The following FAM135A variants were observed in gnomAD, a reference collection of about 807,000 sequenced individuals.
FAM135A encodes protein FAM135A.
In FAM135A, 79 loss-of-function variants were observed where a neutral mutation model predicts 146.8. The ratio of observed to expected loss-of-function variants is 0.54; its 90% CI spans 0.45 to 0.65. FAM135A has a LOEUF of 0.65. Ranked by LOEUF, FAM135A falls within the 30% of genes least tolerant of loss-of-function variation. FAM135A has a pLI of 0.00. For missense variants in FAM135A, 1,623 were observed against 1,758.2 expected, an observed-to-expected ratio of 0.92 and a Z score of 1.38; for synonymous variants, 562 against 603.6, an observed-to-expected ratio of 0.93 and a Z score of 1.01.
intron 12 of FAM135A, among the ~76,000 whole-genome samples, chr6:70,505,742 CAGA>C (rs1466044049): frequency 3.3e-5 from 5 of 151,830 alleles, no homozygotes; most frequent in African/African-American, 1.2e-4. Context: ...ATTGTCTCAC[CAGA>C]AGTTTGTTAT....
intron 11 of FAM135A, among the ~76,000 whole-genome samples, chr6:70,500,534 G>A (rs968207285): frequency 6.6e-6 from 1 of 152,200 alleles, no homozygotes; most frequent in African/African-American, 2.4e-5. Context: ...CTGGAGAGGA[G>A]TTGCAATCAT....
chr6:70,447,621 G>A (rs1776066647), intron 4 of FAM135A, among the ~76,000 whole-genome samples: 1 of 152,212 alleles, frequency 6.6e-6, no homozygotes, highest in Non-Finnish European at 1.5e-5. Flanking sequence ...GGAATGGTCT[G>A]AGCTGGAAAT....
At chr6:70,462,344 T>G (rs1046510947) in intron 5 of FAM135A, among the ~76,000 whole-genome samples, 4 of 152,174 alleles carry the variant, frequency 2.6e-5, no homozygotes, top group African/African-American at 9.7e-5. Flanking sequence ...CTGGGCAGAT[T>G]ATCAGAACCT....
chr6:70,426,894 A>G (rs563255848), intron 3 of FAM135A: 1 of 152,340 alleles, frequency 6.6e-6, no homozygotes, highest in South Asian at 2.1e-4. Context: ...ACAGTAGACA[A>G]ATCTGCCCTT....
intron 4 of FAM135A, among the ~76,000 whole-genome samples, chr6:70,452,246 A>AT (rs1300424743): frequency 6.6e-6 from 1 of 152,036 alleles, no homozygotes; most frequent in African/African-American, 2.4e-5. Flanking sequence ...AGTAAGAAAT[A>AT]TTATATGTAT....
At chr6:70,527,730 G>A (rs986440184) in intron 15 of FAM135A, among the ~76,000 whole-genome samples, 1 of 152,104 alleles carries the variant, frequency 6.6e-6, no homozygotes. Flanking sequence ...CATTGCAAAC[G>A]AGTATATACC....
intron 20 of FAM135A, among the ~76,000 whole-genome samples, chr6:70,551,581 A>G (rs1434217051): frequency 5.9e-5 from 9 of 152,248 alleles, no homozygotes. Context: ...ACTGCACTGT[A>G]GCCTGGGTCA....
intron 20 of FAM135A, among the ~76,000 whole-genome samples, chr6:70,550,807 A>G (rs1157900164): frequency 1.3e-5 from 2 of 152,202 alleles, no homozygotes; most frequent in African/African-American, 2.4e-5. Flanking sequence ...TCTTCTTTCA[A>G]TAGAAGGCAA....
chr6:70,490,195 A>G (rs540100046), intron 10 of FAM135A, among the ~76,000 whole-genome samples: 71 of 152,312 alleles, frequency 4.7e-4, no homozygotes, highest in African/African-American at 1.6e-3. Flanking sequence ...AGAAAGATCA[A>G]TTAAACTCTT....
chr6:70,474,699 G>C (rs116473513), intron 5 of FAM135A, among the ~76,000 whole-genome samples: 1 of 152,062 alleles, frequency 6.6e-6, no homozygotes, highest in Non-Finnish European at 1.5e-5. Flanking sequence ...TCCTCCTCTC[G>C]AACATCCAGT....
At position 70,526,144 on chromosome 6, in the gene FAM135A, T is replaced by A. The variant is rs754680171; in HGVS notation, c.3060T>A (p.His1020Gln). The change falls in exon 15 of 22, where the codon CAT becomes CAA. Residue 1020 changes from histidine (H) to glutamine (Q), a missense_variant. By Grantham distance (24) the His-to-Gln change is conservative (BLOSUM62 0). Coordinates refer to ENST00000418814, the MANE Select transcript of FAM135A (RefSeq NM_001162529.3). Reference protein sequence around the residue: ...SEIPTVESETHLGTSDPFSAS... With the variant: ...SEIPTVESETQLGTSDPFSAS... Reference sequence around the variant, plus strand: ...TCCCTACAGTTGAAAGTGAAACTCATCTGGGTACAAGTGATCCTTTTTCAG... The same window carrying A: ...TCCCTACAGTTGAAAGTGAAACTCAACTGGGTACAAGTGATCCTTTTTCAG... 13 of 1,613,592 alleles carry A rather than the reference T, an allele frequency of 8.1e-6. No individual in the cohort carries two copies. The highest frequency in any genetic ancestry group is 1.1e-5 in the Non-Finnish European group (13 of 1,179,658).
intron 10 of FAM135A, among the ~76,000 whole-genome samples, chr6:70,484,883 A>G (rs1784342257): frequency 6.6e-6 from 1 of 152,320 alleles, no homozygotes; most frequent in African/African-American, 2.4e-5. Flanking sequence ...TCATGTATTC[A>G]TAAGATTTTC....
chr6:70,454,066 C>T (rs1777720621), intron 5 of FAM135A, among the ~76,000 whole-genome samples: 1 of 152,220 alleles, frequency 6.6e-6, no homozygotes, highest in African/African-American at 2.4e-5. Context: ...CACATCCTCT[C>T]TAGCACCTGT....
intron 4 of FAM135A, among the ~76,000 whole-genome samples, chr6:70,451,060 C>G (rs1030437265): frequency 6.6e-6 from 1 of 151,944 alleles, no homozygotes; most frequent in Non-Finnish European, 1.5e-5. Flanking sequence ...TCTTTTTGCT[C>G]AAGATTGCTT....
chr6:70,433,462 A>T (rs1350273123), intron 4 of FAM135A, among the ~76,000 whole-genome samples: 1 of 152,142 alleles, frequency 6.6e-6, no homozygotes. Flanking sequence ...AAACCAGGAC[A>T]TAAGGCCATC....
intron 17 of FAM135A, 28 bp from the exon 18 acceptor site, chr6:70,533,724 AAATAT>A: frequency 7.8e-7 from 1 of 1,285,030 alleles, no homozygotes; most frequent in South Asian, 1.4e-5. Context: ...ACATATTCCC[AAATAT>A]AATGTATGTG....
At chr6:70,431,532 C>A (rs1299329723) in intron 4 of FAM135A, among the ~76,000 whole-genome samples, 1 of 152,002 alleles carries the variant, frequency 6.6e-6, no homozygotes, top group Non-Finnish European at 1.5e-5. Context: ...CACTGTTACA[C>A]CTCCACCACA....
At chr6:70,452,394 C>T in intron 4 of FAM135A, 98 bp from the exon 5 acceptor site, 1 of 864,162 alleles carries the variant, frequency 1.2e-6, no homozygotes, top group Non-Finnish European at 1.8e-6. Flanking sequence ...ATAATTAGGC[C>T]AACTTTATTA....
chr6:70,481,917 G>A (rs1783775514), intron 9 of FAM135A, 84 bp from the exon 10 acceptor site: 1 of 1,324,848 alleles, frequency 7.5e-7, no homozygotes, highest in Non-Finnish European at 1.0e-6. Flanking sequence ...AGATGGTTAA[G>A]TATTTTTTCT....
Sources: allele counts gnomAD v4.1 joint callset (sites outside exome capture counted in the v4.1 genomes callset), GRCh38; gene constraint gnomAD v4.1.1; transcripts MANE v1.5; gene names NCBI Gene and HGNC (gene_info 2026-07-23, HGNC 2026-07-21).